TCTN2: variants seen among roughly 807,000 people sequenced by gnomAD.
The protein encoded by TCTN2 is tectonic family member 2.
A neutral mutation model predicts 83.4 loss-of-function variants in TCTN2; 66 were observed. That is an observed-to-expected ratio of 0.79 (90% confidence interval 0.65 to 0.97). The LOEUF is 0.97. Among genes scored for constraint, TCTN2 ranks in the 50% least tolerant of loss-of-function variants. TCTN2 has a pLI of 0.00. For synonymous variants in TCTN2, 301 were observed against 326.7 expected, an observed-to-expected ratio of 0.92 and a Z score of 0.85; for missense variants, 794 against 858.1, an observed-to-expected ratio of 0.93 and a Z score of 0.93.
intron 12 of TCTN2, 83 bp from the exon 13 acceptor site, chr12:123,697,004 T>C: frequency 9.0e-7 from 1 of 1,112,988 alleles, no homozygotes; most frequent in Non-Finnish European, 1.4e-6. Flanking sequence ...ACTTACTGTT[T>C]TCTGTTTTTC....
intron 14 of TCTN2, among the ~76,000 whole-genome samples, chr12:123,701,921 AC>A (rs1274521343): frequency 7.2e-5 from 11 of 152,156 alleles, no homozygotes; most frequent in African/African-American, 2.4e-4. Flanking sequence ...GGTAAACCAG[AC>A]TTTAAAGCTT....
chr12:123,671,565 A>G lies in TCTN2; in HGVS notation c.141A>G (p.Gly47=). Residue 47 remains glycine, a synonymous_variant, in exon 2 of 18, where the codon GGA becomes GGG. Coordinates refer to ENST00000303372, the MANE Select transcript of TCTN2 (RefSeq NM_024809.5). Reference sequence around the variant, plus strand: ...CTGCGGTCAGCGCGTCCCTGGTCGGAGACACCGAGGGTGTGACCGTGTCCC... The same window carrying G: ...CTGCGGTCAGCGCGTCCCTGGTCGGGGACACCGAGGGTGTGACCGTGTCCC... ...SGPAVSASLV[G]DTEGVTVSLA... is the part of the protein sequence containing the mutation. 6.2e-7 allele frequency: 1 copy of G among 1,613,852 alleles called. No individual in the cohort carries two copies. Among genetic ancestry groups the G allele is most frequent in the South Asian group, 1.1e-5 (1 of 91,074 alleles).
rs546962142 is a variant in TCTN2, at chr12:123,688,284, C to T, written c.891+107C>T. 2.4e-5 allele frequency: 33 copies of T among 1,391,108 alleles called. No homozygotes were observed. The African/African-American group carries it at 3.7e-4, about 16-fold the overall frequency. The allele number at this position is 1,391,108 out of a possible 1,614,324, so 86.2% of individuals were successfully genotyped here. ...TAGGCTCAAGTGCAGTGCCAGATCT[C>T]GGCTCACTGCAACCTCTGCCTCCCG... On this transcript the variant is annotated intron_variant, in intron 7 of 17. Transcript: ENST00000303372.
chr12:123,682,027 G>A (rs1426175780), intron 5 of TCTN2, among the ~76,000 whole-genome samples: 2 of 152,142 alleles, frequency 1.3e-5, no homozygotes, highest in African/African-American at 4.8e-5. Context: ...ATAGAATGCA[G>A]TGGTGCAATC....
At chr12:123,676,254 G>T (rs1279843227) in intron 4 of TCTN2, among the ~76,000 whole-genome samples, 2 of 151,704 alleles carry the variant, frequency 1.3e-5, no homozygotes, top group Non-Finnish European at 2.9e-5. Flanking sequence ...ACTCCAGCCT[G>T]GTCGACAGAG....
At chr12:123,680,142 C>T (rs1395894856) in intron 5 of TCTN2, among the ~76,000 whole-genome samples, 2 of 151,832 alleles carry the variant, frequency 1.3e-5, no homozygotes, top group East Asian at 2.0e-4. Flanking sequence ...CACCTGAGGT[C>T]CGGAGTTTGA....
intron 9 of TCTN2, among the ~76,000 whole-genome samples, chr12:123,693,529 T>C (rs936746815): frequency 1.3e-5 from 2 of 150,886 alleles, no homozygotes; most frequent in African/African-American, 4.9e-5. Flanking sequence ...CTTGGCTCAC[T>C]ATAACCTCCA....
At chr12:123,673,030 A>T (rs573359201) in intron 3 of TCTN2, among the ~76,000 whole-genome samples, 1 of 152,186 alleles carries the variant, frequency 6.6e-6, no homozygotes, top group South Asian at 2.1e-4. Flanking sequence ...AGCTTGGGTG[A>T]TGAGCGAGAC....
At chr12:123,696,230 G>A in intron 11 of TCTN2, 185 bp from the exon 12 acceptor site, 1 of 617,266 alleles carries the variant, frequency 1.6e-6, no homozygotes, top group Non-Finnish European at 3.0e-6. Context: ...TAAATGTGAA[G>A]CATTCTTTCT....
At chr12:123,696,528 T>G in intron 12 of TCTN2, 33 bp downstream of exon 12, 1 of 1,562,988 alleles carries the variant, frequency 6.4e-7, no homozygotes, top group Non-Finnish European at 8.8e-7. Flanking sequence ...ATTAGCCCTT[T>G]GGCAAATTGG....
chr12:123,671,291 G>T lies in TCTN2; in HGVS notation c.51G>T (p.Gln17His), dbSNP rs898631989. Residue 17 changes from glutamine to histidine, a missense_variant, in exon 1 of 18, where the codon CAG becomes CAT. Coordinates refer to ENST00000303372, the MANE Select transcript of TCTN2 (RefSeq NM_024809.5). ...TTCTTTTGAGGCTTTTCCTTCTGCA[G>T]GGCATCCTGAGGCTTCTGTGGGGGG... Reference protein sequence around the residue: ...AALLLRLFLLQGILRLLWGDL... With the variant: ...AALLLRLFLLHGILRLLWGDL... 6 of 1,613,772 alleles carry T rather than the reference G, an allele frequency of 3.7e-6. No individual in the cohort carries two copies. In the African/African-American group the frequency reaches 8.0e-5, roughly 22 times the overall value.
intron 14 of TCTN2, among the ~76,000 whole-genome samples, chr12:123,701,738 G>A (rs1366902419): frequency 6.7e-6 from 1 of 149,506 alleles, no homozygotes; most frequent in African/African-American, 2.5e-5. Context: ...GCAAGACTCC[G>A]TCTCACAAAA....
chr12:123,692,736 A>G lies in TCTN2; in HGVS notation c.1099+13A>G. 6.3e-7 allele frequency: 1 copy of G among 1,596,690 alleles called. No homozygotes were observed. Among genetic ancestry groups the G allele is most frequent in the Non-Finnish European group, 8.6e-7 (1 of 1,164,480 alleles). ...ATCACCAATACAGGTATTTAATGTTACACTTTGACGTCATTTCTTCAGAAA... is the reference window on the plus strand; with the variant it reads ...ATCACCAATACAGGTATTTAATGTTGCACTTTGACGTCATTTCTTCAGAAA... On this transcript the variant is annotated intron_variant, in intron 9 of 17. Coordinates refer to ENST00000303372, the MANE Select transcript of TCTN2 (RefSeq NM_024809.5).
intron 4 of TCTN2, among the ~76,000 whole-genome samples, chr12:123,674,410 ACAG>A (rs1955795161): frequency 6.6e-6 from 1 of 152,086 alleles, no homozygotes; most frequent in African/African-American, 2.4e-5. Flanking sequence ...AGCTGGGACT[ACAG>A]GCTCACGCTA....
At chr12:123,692,499 C>A (rs896581039) in intron 8 of TCTN2, among the ~76,000 whole-genome samples, 159 bp from the exon 9 acceptor site, 6 of 152,144 alleles carry the variant, frequency 3.9e-5, no homozygotes. Context: ...AGGATGGGGA[C>A]TCCTATCTGA....
intron 14 of TCTN2, among the ~76,000 whole-genome samples, chr12:123,704,165 C>T (rs1388839332): frequency 6.6e-6 from 1 of 152,016 alleles, no homozygotes. Flanking sequence ...CACCACCACG[C>T]CCAGCTAATT....
intron 5 of TCTN2, among the ~76,000 whole-genome samples, chr12:123,683,410 G>A (rs890220529): frequency 6.6e-6 from 1 of 150,980 alleles, no homozygotes; most frequent in Non-Finnish European, 1.5e-5. Flanking sequence ...CTCCCAAAGC[G>A]ATGGGATTAC....
At chr12:123,687,923 C>T in intron 6 of TCTN2, 128 bp from the exon 7 acceptor site, 1 of 1,290,414 alleles carries the variant, frequency 7.7e-7, no homozygotes, top group Non-Finnish European at 1.1e-6. Context: ...AAGATCACGC[C>T]ACTGCACTCC....
intron 8 of TCTN2, 33 bp from the exon 9 acceptor site, chr12:123,692,625 G>T: frequency 6.5e-7 from 1 of 1,531,404 alleles, no homozygotes; most frequent in Non-Finnish European, 9.1e-7. Context: ...CCATGTGTAC[G>T]CCTGTGGAAG....
Sources: gnomAD v4.1 joint callset for allele counts (sites outside exome capture counted in the v4.1 genomes callset) on GRCh38, gnomAD v4.1.1 for gene constraint, MANE v1.5 for transcripts, NCBI Gene and HGNC (gene_info 2026-07-23, HGNC 2026-07-21) for gene names.